Variants in SLC25A17 observed in about 807,000 individuals in gnomAD.
The protein encoded by SLC25A17 is peroxisomal membrane protein PMP34.
A neutral mutation model predicts 38.5 loss-of-function variants in SLC25A17; 26 were observed. The observed-to-expected ratio is 0.68, with a 90% CI of 0.50 to 0.94. SLC25A17 has a LOEUF of 0.94. Ranked by LOEUF, SLC25A17 falls within the 40% of genes least tolerant of loss-of-function variation. SLC25A17 has a pLI of 0.00. For synonymous variants in SLC25A17, 139 were observed against 136.2 expected (o/e 1.02, Z -0.14); for missense variants, 333 against 372.7 (o/e 0.89, Z 0.88).
At position 40,777,364 on chromosome 22, in the gene SLC25A17, T is replaced by C. The variant is rs754832512; in HGVS notation, c.461A>G (p.His154Arg). 3 of 1,611,952 alleles carry C rather than the reference T, an allele frequency of 1.9e-6. No homozygotes were observed. Among genetic ancestry groups the C allele is most frequent in the South Asian group, 1.1e-5 (1 of 90,832 alleles). The change falls in exon 6 of 9, where the codon CAT becomes CGT. Residue 154 changes from histidine (H) to arginine (R), a missense_variant. His to Arg is a conservative substitution (Grantham distance 29, BLOSUM62 0). Transcript: ENST00000435456. ...TNYKGIIDAF[H>R]QIIRDEGISA... ...GATTCCTTCATCGCGAATGATCTGATGAAAAGCATCTAAGCAAGAAATCAG... is the reference window on the plus strand; with the variant it reads ...GATTCCTTCATCGCGAATGATCTGACGAAAAGCATCTAAGCAAGAAATCAG...
intron 2 of SLC25A17, 68 bp downstream of exon 2, chr22:40,798,955 A>G (rs2057455698): frequency 2.5e-6 from 3 of 1,184,418 alleles, no homozygotes; most frequent in Non-Finnish European, 3.7e-6. Context: ...AAAAAAAAAA[A>G]AAAGAAATTA....
intron 1 of SLC25A17, among the ~76,000 whole-genome samples, chr22:40,806,748 A>G (rs1037582787): frequency 1.3e-5 from 2 of 152,168 alleles, no homozygotes; most frequent in African/African-American, 4.8e-5. Flanking sequence ...CCCTTCACTC[A>G]GTTCCTGGCA....
chr22:40,807,333 G>A (rs1475619092), intron 1 of SLC25A17, among the ~76,000 whole-genome samples: 5 of 152,122 alleles, frequency 3.3e-5, no homozygotes, highest in Non-Finnish European at 5.9e-5. Context: ...ATGCCAAAAG[G>A]TACAGCAATT....
chr22:40,817,933 G>A (rs766574598), intron 1 of SLC25A17, among the ~76,000 whole-genome samples: 3 of 152,124 alleles, frequency 2.0e-5, no homozygotes, highest in African/African-American at 4.8e-5. Context: ...GGCTCTTCTG[G>A]CTGAACTGAA....
chr22:40,794,220 T>C (rs2057407901), intron 3 of SLC25A17, among the ~76,000 whole-genome samples: 2 of 152,134 alleles, frequency 1.3e-5, no homozygotes, highest in South Asian at 2.1e-4. Context: ...CAACTATTAT[T>C]TTTTTTTCAG....
chr22:40,814,797 TG>T (rs1568991042), intron 1 of SLC25A17, among the ~76,000 whole-genome samples: 4 of 142,554 alleles, frequency 2.8e-5, no homozygotes, highest in South Asian at 4.3e-4. Flanking sequence ...ATATTGTTGT[TG>T]TTGTTGTTGT....
Position 40,769,812 on chromosome 22 carries a change from T to C in SLC25A17, c.*1022A>G, listed in dbSNP as rs1205426583. On this transcript the variant is annotated 3_prime_UTR_variant, in exon 9 of 9. Coordinates refer to ENST00000435456, the MANE Select transcript of SLC25A17 (RefSeq NM_006358.4). ...AATACGGAACAGGATTCAGAAACTC[T>C]GGGTTGCGTGCCCAGCAAGCTCTCA... is the stretch of plus-strand genomic sequence containing the variant. 6.6e-6 allele frequency: 1 copy of C among 152,230 alleles called. No homozygotes were observed. The highest frequency in any genetic ancestry group is 2.4e-5 in the African/African-American group (1 of 41,458). 9.4% of individuals were successfully genotyped at this position (152,230 alleles called of 1,614,324 possible).
At chr22:40,771,737 G>A (rs1304709686) in intron 8 of SLC25A17, among the ~76,000 whole-genome samples, 1 of 152,116 alleles carries the variant, frequency 6.6e-6, no homozygotes, top group Non-Finnish European at 1.5e-5. Flanking sequence ...GGGGGAAGGT[G>A]GGGATGGTTA....
intron 4 of SLC25A17, among the ~76,000 whole-genome samples, chr22:40,780,670 G>A (rs939167101): frequency 1.3e-5 from 2 of 152,156 alleles, no homozygotes; most frequent in Non-Finnish European, 2.9e-5. Context: ...GAGAAAAGGA[G>A]GACAGGAGAG....
chr22:40,817,452 C>A (rs1204810204), intron 1 of SLC25A17: 1 of 152,216 alleles, frequency 6.6e-6, no homozygotes, highest in Non-Finnish European at 1.5e-5. Flanking sequence ...TCTAGTCTCA[C>A]GACTACTCTT....
At chr22:40,797,180 C>T (rs2057438390) in intron 2 of SLC25A17, 1 of 520,776 alleles carries the variant, frequency 1.9e-6, no homozygotes. Context: ...TATATTTTGC[C>T]TGTTGAATCA....
At chr22:40,807,697 C>T (rs1360986720) in intron 1 of SLC25A17, among the ~76,000 whole-genome samples, 3 of 152,078 alleles carry the variant, frequency 2.0e-5, no homozygotes, top group South Asian at 2.1e-4. Flanking sequence ...TGCAGTGAGC[C>T]GAGATCGCGC....
At chr22:40,816,596 T>C (rs975171116) in intron 1 of SLC25A17, among the ~76,000 whole-genome samples, 3 of 142,886 alleles carry the variant, frequency 2.1e-5, no homozygotes, top group African/African-American at 7.9e-5. Context: ...TATTTATTCA[T>C]TTATTTTTTA....
chr22:40,809,802 C>CA (rs991892300), intron 1 of SLC25A17, among the ~76,000 whole-genome samples: 4 of 151,522 alleles, frequency 2.6e-5, no homozygotes, highest in African/African-American at 7.3e-5. Flanking sequence ...CCATTAACTA[C>CA]AAAAAAAATA....
At chr22:40,786,717 G>A (rs1216518127) in intron 4 of SLC25A17, among the ~76,000 whole-genome samples, 2 of 152,192 alleles carry the variant, frequency 1.3e-5, no homozygotes, top group East Asian at 1.9e-4. Flanking sequence ...TGGAACCCAC[G>A]GATGAGGGCC....
chr22:40,774,273 G>C (rs2057218449), intron 7 of SLC25A17, among the ~76,000 whole-genome samples: 1 of 150,528 alleles, frequency 6.6e-6, no homozygotes, highest in East Asian at 1.9e-4. Context: ...ACCCAGGCTG[G>C]AGTGCAATGG....
In SLC25A17 at chr22:40,777,285, G is replaced by A; in HGVS notation, c.540C>T (p.Ala180=). The A allele has an allele frequency of 6.2e-7, 1 of 1,614,176 alleles. No individual in the cohort carries two copies. The highest frequency in any genetic ancestry group is 8.5e-7 in the Non-Finnish European group (1 of 1,180,014). Residue 180 remains alanine, a synonymous_variant, in exon 6 of 9, where the codon GCC becomes GCT. Transcript: ENST00000435456. ...FPSLLLVFNP[A]IQFMFYEGLK... is the part of the protein sequence containing the mutation. Reference sequence around the variant, plus strand: ...AACCTTCATAAAACATGAACTGGATGGCAGGATTGAAGACCAACAGCAATG... The same window carrying A: ...AACCTTCATAAAACATGAACTGGATAGCAGGATTGAAGACCAACAGCAATG...
intron 3 of SLC25A17, among the ~76,000 whole-genome samples, chr22:40,793,544 G>A (rs1389728024): frequency 1.3e-5 from 2 of 151,984 alleles, no homozygotes; most frequent in Non-Finnish European, 2.9e-5. Context: ...CATTATTCAG[G>A]CCAATAATGT....
chr22:40,809,203 A>ATATC (rs749892056), intron 1 of SLC25A17, among the ~76,000 whole-genome samples: 7 of 152,108 alleles, frequency 4.6e-5, no homozygotes, highest in Non-Finnish European at 8.8e-5. Context: ...GAATTAACAA[A>ATATC]TATCTTGGCC....
Sources: gnomAD v4.1 joint callset for allele counts (sites outside exome capture counted in the v4.1 genomes callset) on GRCh38, gnomAD v4.1.1 for gene constraint, MANE v1.5 for transcripts, NCBI Gene and HGNC (gene_info 2026-07-23, HGNC 2026-07-21) for gene names.